MALRD1: variants seen among roughly 807,000 people sequenced by gnomAD.
MALRD1 encodes the protein MAM and LDL-receptor class A domain-containing protein 1.
Under a neutral mutation model 242.1 loss-of-function variants are expected in MALRD1, and 247 were observed. That is an observed-to-expected ratio of 1.02 (90% CI 0.92 to 1.13). The LOEUF (loss-of-function observed/expected upper bound fraction) is 1.13. Among genes scored for constraint, MALRD1 ranks in the 50% most tolerant of loss-of-function variants. The pLI, the probability that MALRD1 is intolerant of heterozygous loss-of-function variation, is 0.00. For missense variants in MALRD1, 2,989 were observed against 2,533.1 expected (o/e 1.18, Z -3.86); for synonymous variants, 995 against 866.6 (o/e 1.15, Z -2.60).
intron 19 of MALRD1, among the ~76,000 whole-genome samples, chr10:19,275,388 G>T (rs1396319881): frequency 6.6e-6 from 1 of 152,140 alleles, no homozygotes; most frequent in Non-Finnish European, 1.5e-5. Context: ...TCAGAAATCG[G>T]CCGGGTGCGG....
At chr10:19,207,937 T>TA (rs1836860289) in intron 17 of MALRD1, among the ~76,000 whole-genome samples, 1 of 152,210 alleles carries the variant, frequency 6.6e-6, no homozygotes, top group Admixed American at 6.5e-5. Context: ...GGGTGACACT[T>TA]AAACACAGGC....
intron 38 of MALRD1, among the ~76,000 whole-genome samples, chr10:19,730,111 A>G (rs950879133): frequency 6.6e-6 from 1 of 152,234 alleles, no homozygotes; most frequent in Non-Finnish European, 1.5e-5. Flanking sequence ...ATAGTGAATT[A>G]TGCACATGTA....
At chr10:19,155,989 T>C (rs1834128139) in intron 12 of MALRD1, among the ~76,000 whole-genome samples, 1 of 152,206 alleles carries the variant, frequency 6.6e-6, no homozygotes, top group South Asian at 2.1e-4. Flanking sequence ...TCAGCTTGTC[T>C]TATTTTCAGT....
chr10:19,352,422 G>C (rs1365246769), intron 26 of MALRD1, 125 bp downstream of exon 26: 4 of 930,878 alleles, frequency 4.3e-6, no homozygotes, highest in Non-Finnish European at 6.2e-6. Context: ...GAAAATATAA[G>C]ATCTTTTTAA....
chr10:19,313,226 C>G (rs775259519), intron 21 of MALRD1, among the ~76,000 whole-genome samples: 7 of 151,292 alleles, frequency 4.6e-5, no homozygotes, highest in Non-Finnish European at 8.9e-5. Flanking sequence ...TTAGTTAACT[C>G]ATCTAGGAAA....
chr10:19,366,060 G>A (rs1176730211), intron 26 of MALRD1, among the ~76,000 whole-genome samples: 1 of 151,912 alleles, frequency 6.6e-6, no homozygotes. Flanking sequence ...TCCACATACT[G>A]GGGAGTAGGG....
intron 36 of MALRD1, among the ~76,000 whole-genome samples, chr10:19,632,915 T>C (rs1437345907): frequency 6.6e-6 from 1 of 151,994 alleles, no homozygotes; most frequent in Non-Finnish European, 1.5e-5. Context: ...CTATGAAAAG[T>C]GTTGAGAGAG....
chr10:19,159,988 G>T (rs1054355066), intron 12 of MALRD1, among the ~76,000 whole-genome samples: 1 of 152,010 alleles, frequency 6.6e-6, no homozygotes. Context: ...TATTCAAAAA[G>T]AACTGTTTGT....
intron 32 of MALRD1, among the ~76,000 whole-genome samples, chr10:19,549,206 G>C (rs1407192138): frequency 6.6e-6 from 1 of 152,174 alleles, no homozygotes; most frequent in Admixed American, 6.5e-5. Context: ...TAGTTCATGA[G>C]GTTTAAGGAA....
At chr10:19,154,160 AT>A (rs1169346194) in intron 11 of MALRD1, among the ~76,000 whole-genome samples, 1 of 152,122 alleles carries the variant, frequency 6.6e-6, no homozygotes, top group Non-Finnish European at 1.5e-5. Context: ...TGGTTTTGAG[AT>A]TTAAAAACAA....
intron 21 of MALRD1, among the ~76,000 whole-genome samples, chr10:19,312,981 T>A (rs1842494860): frequency 6.6e-6 from 1 of 151,296 alleles, no homozygotes. Context: ...CAAAACAAAC[T>A]AGAGATTTTG....
intron 26 of MALRD1, among the ~76,000 whole-genome samples, chr10:19,358,322 C>G (rs965971495): frequency 6.6e-6 from 1 of 151,212 alleles, no homozygotes; most frequent in Non-Finnish European, 1.5e-5. Flanking sequence ...CTTTAAAAAA[C>G]GTATGTAAAA....
intron 14 of MALRD1, among the ~76,000 whole-genome samples, chr10:19,202,861 G>C (rs1836604374): frequency 6.6e-6 from 1 of 152,018 alleles, no homozygotes; most frequent in South Asian, 2.1e-4. Flanking sequence ...TAGCCTAGGA[G>C]TCACAATATT....
intron 4 of MALRD1, among the ~76,000 whole-genome samples, chr10:19,095,711 C>T (rs1004706230): frequency 6.6e-6 from 1 of 152,068 alleles, no homozygotes; most frequent in African/African-American, 2.4e-5. Context: ...TGAGTACCCC[C>T]GAGCACCAAT....
At chr10:19,472,145 A>T (rs1208485651) in intron 29 of MALRD1, among the ~76,000 whole-genome samples, 1 of 152,032 alleles carries the variant, frequency 6.6e-6, no homozygotes, top group Non-Finnish European at 1.5e-5. Flanking sequence ...CTTTTTCTCC[A>T]TCTATTGAAA....
intron 29 of MALRD1, among the ~76,000 whole-genome samples, chr10:19,486,674 C>T (rs997506184): frequency 1.3e-5 from 2 of 152,112 alleles, no homozygotes; most frequent in Non-Finnish European, 2.9e-5. Flanking sequence ...CGTCTGGAAT[C>T]TCAGAGCATA....
At chr10:19,568,251 G>A (rs1836345228) in intron 33 of MALRD1, among the ~76,000 whole-genome samples, 2 of 152,124 alleles carry the variant, frequency 1.3e-5, no homozygotes, top group African/African-American at 4.8e-5. Flanking sequence ...CCTAAGTGGG[G>A]CTGTTTGTTC....
chr10:19,672,935 G>T (rs1016043419), intron 36 of MALRD1, among the ~76,000 whole-genome samples: 2 of 152,098 alleles, frequency 1.3e-5, no homozygotes, highest in African/African-American at 4.8e-5. Context: ...ATAACATGAG[G>T]ATTATTTATT....
At chr10:19,705,150 A>G (rs1440432948) in intron 38 of MALRD1, among the ~76,000 whole-genome samples, 1 of 152,268 alleles carries the variant, frequency 6.6e-6, no homozygotes. Flanking sequence ...CACTGCAAAC[A>G]TTTGTATGAT....
Sources: gnomAD v4.1 joint callset for allele counts (sites outside exome capture counted in the v4.1 genomes callset) on GRCh38, gnomAD v4.1.1 for gene constraint, MANE v1.5 for transcripts, NCBI Gene and HGNC (gene_info 2026-07-23, HGNC 2026-07-21) for gene names.